The following APBA2 variants were observed in gnomAD, a reference collection of about 807,000 sequenced individuals.
APBA2 encodes the protein amyloid-beta A4 precursor protein-binding family A member 2.
In APBA2, 30 loss-of-function variants were observed where a neutral mutation model predicts 75.0. That is an observed-to-expected ratio of 0.40 (90% CI 0.30 to 0.54). APBA2 has a LOEUF of 0.54. APBA2 is among the 20% of genes least tolerant of loss of function. The probability of loss-of-function intolerance (pLI) is 0.49; values close to 1 mark genes in which losing one functional copy is unlikely to be tolerated. For synonymous variants in APBA2, 444 were observed against 409.6 expected (o/e 1.08, Z -1.01); for missense variants, 801 against 1,016.1 (o/e 0.79, Z 2.88).
Position 28,918,489 on chromosome 15 carries a change from C to G in APBA2, c.-204-3151C>G, listed in dbSNP as rs1030012297. On this transcript the variant is annotated intron_variant, in intron 1 of 14. Coordinates refer to ENST00000683413, the MANE Select transcript of APBA2 (RefSeq NM_001353788.2). The surrounding 1 kb of genome is among the most constrained non-coding windows in gnomAD (Gnocchi z 4.2). ...GGAGAGGTGAAGCAGATGGCTTCCC[C>G]CACTGCAAGGAGGAATCCCGGTGCT... is the stretch of plus-strand genomic sequence containing the variant. Among the ~76,000 whole-genome samples, 2 of 152,224 alleles carry G rather than the reference C, an allele frequency of 1.3e-5. No homozygotes were observed. Among genetic ancestry groups the G allele is most frequent in the Non-Finnish European group, 2.9e-5 (2 of 68,042 alleles).
intron 1 of APBA2, among the ~76,000 whole-genome samples, chr15:28,890,685 C>T (rs145366555): frequency 0.28 from 42,114 of 152,090 alleles, 6,128 homozygotes; most frequent in Non-Finnish European, 0.3. Flanking sequence ...TCCCTGGGGC[C>T]CAGGGCCAGT....
At chr15:28,963,026 G>A (rs1393329624) in intron 2 of APBA2, among the ~76,000 whole-genome samples, 1 of 152,178 alleles carries the variant, frequency 6.6e-6, no homozygotes, top group Non-Finnish European at 1.5e-5. Context: ...GAAAACTCTG[G>A]GTGGGGCACT....
At chr15:29,031,531 G>C (rs372937067) in intron 3 of APBA2, among the ~76,000 whole-genome samples, 2 of 151,994 alleles carry the variant, frequency 1.3e-5, no homozygotes, top group African/African-American at 4.8e-5. Context: ...GTGCAGTGGC[G>C]CAATCTTGGC....
At chr15:28,960,230 G>A (rs886316002) in intron 2 of APBA2, among the ~76,000 whole-genome samples, 1 of 151,658 alleles carries the variant, frequency 6.6e-6, no homozygotes, top group African/African-American at 2.4e-5. Context: ...GGAAGCAGAG[G>A]CAGGAGTACT....
chr15:29,078,637 CAAA>C (rs906723579), intron 6 of APBA2, among the ~76,000 whole-genome samples: 13 of 142,026 alleles, frequency 9.2e-5, no homozygotes, highest in Admixed American at 2.1e-4. Context: ...AAACAAAAAA[CAAA>C]AAAAAAAAGT....
At chr15:28,937,749 T>C (rs928625437) in intron 2 of APBA2, among the ~76,000 whole-genome samples, 71 of 152,096 alleles carry the variant, frequency 4.7e-4, no homozygotes, top group Middle Eastern at 3.4e-3. Flanking sequence ...CTCCGCCTCC[T>C]GGGTTCACGC....
intron 4 of APBA2, among the ~76,000 whole-genome samples, chr15:29,073,062 A>G (rs898085349): frequency 1.3e-5 from 2 of 152,194 alleles, no homozygotes; most frequent in African/African-American, 4.8e-5. Context: ...AATCATTCCA[A>G]CTACCTGGGG....
At chr15:28,932,626 C>T (rs1015805426) in intron 2 of APBA2, among the ~76,000 whole-genome samples, 4 of 152,216 alleles carry the variant, frequency 2.6e-5, no homozygotes, top group African/African-American at 7.2e-5. Flanking sequence ...GGTCCCATCT[C>T]GCCAGCAGAA....
At chr15:29,066,409 T>G (rs2042380658) in intron 4 of APBA2, among the ~76,000 whole-genome samples, 1 of 152,218 alleles carries the variant, frequency 6.6e-6, no homozygotes, top group African/African-American at 2.4e-5. Flanking sequence ...GGCTGCAATA[T>G]GGACAAACCT....
At chr15:29,021,266 T>C (rs1020146942) in intron 3 of APBA2, among the ~76,000 whole-genome samples, 1 of 152,076 alleles carries the variant, frequency 6.6e-6, no homozygotes, top group African/African-American at 2.4e-5. Context: ...CAGTGGCTCA[T>C]GCCTGTAATC....
In APBA2 at chr15:28,985,978, C is replaced by A. The variant is rs552727852; in HGVS notation, c.-94-9775C>A. Among the ~76,000 whole-genome samples, 3 of 152,296 alleles carry A rather than the reference C, an allele frequency of 2.0e-5. No individual in the cohort carries two copies. The South Asian group carries it at 6.2e-4, about 32-fold the overall frequency. ...CCAGACACCTCCATTCCAGCAAGAT[C>A]CTCCTGGGGGATGTGGTGCCCTCCC... is the stretch of plus-strand genomic sequence containing the variant. On this transcript the variant is annotated intron_variant, in intron 2 of 14. Coordinates refer to ENST00000683413, the MANE Select transcript of APBA2 (RefSeq NM_001353788.2).
chr15:28,929,395 G>A (rs1409442180), intron 2 of APBA2, among the ~76,000 whole-genome samples: 1 of 152,144 alleles, frequency 6.6e-6, no homozygotes, highest in East Asian at 1.9e-4. Context: ...GTGAATTTGC[G>A]ACACACATGA....
At chr15:29,011,085 C>T (rs2039381896) in intron 3 of APBA2, among the ~76,000 whole-genome samples, 1 of 152,162 alleles carries the variant, frequency 6.6e-6, no homozygotes, top group African/African-American at 2.4e-5. Flanking sequence ...TGGAATCCTA[C>T]AGTTTCTGTC....
chr15:28,932,687 G>A (rs1470058000), intron 2 of APBA2, among the ~76,000 whole-genome samples: 1 of 152,194 alleles, frequency 6.6e-6, no homozygotes, highest in Non-Finnish European at 1.5e-5. Context: ...ATAGTGGATT[G>A]TTTAAAGCCA....
At chr15:28,941,698 C>T (rs2035236585) in intron 2 of APBA2, among the ~76,000 whole-genome samples, 1 of 152,192 alleles carries the variant, frequency 6.6e-6, no homozygotes, top group Admixed American at 6.5e-5. Flanking sequence ...GGTAGGGCCC[C>T]TCTTCTTCCC....
chr15:28,986,323 C>T (rs770244277), intron 2 of APBA2, among the ~76,000 whole-genome samples: 19 of 152,114 alleles, frequency 1.2e-4, no homozygotes, highest in Non-Finnish European at 2.1e-4. Flanking sequence ...TGACAGACAG[C>T]GTTTCCTGTG....
At chr15:29,097,311 G>A (rs1025939448) in intron 8 of APBA2, among the ~76,000 whole-genome samples, 3 of 152,386 alleles carry the variant, frequency 2.0e-5, no homozygotes, top group South Asian at 2.1e-4. Context: ...TGGCAGGAGG[G>A]GCTGTGGCGA....
chr15:28,982,356 G>A (rs8033160), intron 2 of APBA2, among the ~76,000 whole-genome samples: 2 of 152,178 alleles, frequency 1.3e-5, no homozygotes, highest in Non-Finnish European at 2.9e-5. Context: ...TCACTGGGCT[G>A]TTTCCTTATC....
chr15:28,939,557 T>C (rs1399866018), intron 2 of APBA2, among the ~76,000 whole-genome samples: 1 of 152,218 alleles, frequency 6.6e-6, no homozygotes, highest in Non-Finnish European at 1.5e-5. Flanking sequence ...TTCTTTCTTC[T>C]TCCTTTTTTA....
Sources: allele counts gnomAD v4.1 joint callset (sites outside exome capture counted in the v4.1 genomes callset), GRCh38; gene constraint gnomAD v4.1.1; non-coding constraint Gnocchi (gnomAD v3.1); transcripts MANE v1.5; gene names NCBI Gene and HGNC (gene_info 2026-07-23, HGNC 2026-07-21).